Variants in XYLB observed in about 807,000 individuals in gnomAD.
XYLB encodes xylulose kinase.
A neutral mutation model predicts 78.7 loss-of-function variants in XYLB; 62 were observed. The observed-to-expected ratio is 0.79, with a 90% CI of 0.64 to 0.97. XYLB has a LOEUF of 0.97. Ranked by LOEUF, XYLB falls within the 50% of genes least tolerant of loss-of-function variation. XYLB has a pLI of 0.00. For synonymous variants in XYLB, 245 were observed against 247.4 expected (o/e 0.99, Z 0.09); for missense variants, 687 against 676.8 (o/e 1.02, Z -0.17).
At chr3:38,405,767 G>C (rs1229917905) in intron 18 of XYLB, among the ~76,000 whole-genome samples, 1 of 152,266 alleles carries the variant, frequency 6.6e-6, no homozygotes, top group Non-Finnish European at 1.5e-5. Flanking sequence ...TACGCCCACG[G>C]AGTCTTGCTG....
In XYLB at chr3:38,356,079, G is replaced by A. The variant is rs1663442; in HGVS notation, c.141-4260G>A. On this transcript the variant is annotated intron_variant, in intron 2 of 18. Coordinates refer to ENST00000207870, the MANE Select transcript of XYLB (RefSeq NM_005108.4). ...ATCCTGGCTAATGCAGTGAAACCCC[G>A]TCTCTACTAAAAATACAAAAATTTA... The A allele has an allele frequency of 6.0e-4, 152 of 255,048 alleles. 1 individual carries two copies. The highest frequency in any genetic ancestry group is 1.5e-4 in the East Asian group (2 of 12,942). The allele number at this position is 255,048 out of a possible 1,614,324, so 15.8% of individuals were successfully genotyped here. A position where few individuals can be genotyped will look rare whatever the true frequency, so the allele number is the denominator to read the frequency against.
intron 3 of XYLB, among the ~76,000 whole-genome samples, chr3:38,360,989 T>C (rs818844): frequency 0.89 from 136,042 of 152,202 alleles, 61,385 homozygotes; most frequent in East Asian, 1. Flanking sequence ...GAGCTGAGAC[T>C]GCACCATTGC....
intron 15 of XYLB, among the ~76,000 whole-genome samples, chr3:38,380,186 A>G (rs1376437169): frequency 6.6e-6 from 1 of 152,202 alleles, no homozygotes; most frequent in South Asian, 2.1e-4. Flanking sequence ...ATCTTTCAAT[A>G]TGTCATGTTG....
At chr3:38,424,853 T>C (rs980488883), downstream of XYLB, among the ~76,000 whole-genome samples, 1 of 152,164 alleles carries the variant, frequency 6.6e-6, no homozygotes, top group African/African-American at 2.4e-5. Context: ...GTATTAGAGG[T>C]CATACACCTC....
At chr3:38,407,763 A>G (rs1025513215) in intron 18 of XYLB, among the ~76,000 whole-genome samples, 3 of 151,864 alleles carry the variant, frequency 2.0e-5, no homozygotes, top group Admixed American at 1.3e-4. Context: ...ACTTTAAACC[A>G]ACAAAGATCA....
chr3:38,363,874 C>G (rs920443835), intron 4 of XYLB, among the ~76,000 whole-genome samples: 1 of 152,188 alleles, frequency 6.6e-6, no homozygotes, highest in Non-Finnish European at 1.5e-5. Flanking sequence ...TTTCTCCATG[C>G]TGGATTACTG....
At chr3:38,450,275 G>T in the XYLB span, among the ~76,000 whole-genome samples, 1 of 152,102 alleles carries the variant, frequency 6.6e-6, no homozygotes, top group African/African-American at 2.4e-5. Flanking sequence ...AAAAACTGTG[G>T]TTACTTTCAA....
chr3:38,408,252 A>T (rs574850041), intron 18 of XYLB, among the ~76,000 whole-genome samples: 119 of 152,292 alleles, frequency 7.8e-4, no homozygotes, highest in African/African-American at 2.4e-3. Context: ...ACTCAGCTGC[A>T]TGGAAACTGA....
intron 8 of XYLB, among the ~76,000 whole-genome samples, chr3:38,368,625 C>T (rs1479348723): frequency 6.6e-6 from 1 of 152,192 alleles, no homozygotes; most frequent in African/African-American, 2.4e-5. Context: ...CACATGACTA[C>T]AGGCAAGAGG....
intron 2 of XYLB, among the ~76,000 whole-genome samples, chr3:38,358,978 G>A (rs529322832): frequency 3.3e-5 from 5 of 152,266 alleles, no homozygotes; most frequent in East Asian, 3.9e-4. Context: ...AGACAAGCTC[G>A]GTTGTGGAGA....
At chr3:38,356,971 TATAAG>T (rs1007699628) in intron 2 of XYLB, 4 of 152,178 alleles carry the variant, frequency 2.6e-5, no homozygotes, top group African/African-American at 9.7e-5. Context: ...CCTGTTTCCT[TATAAG>T]AAGGAGAGAC....
intron 2 of XYLB, among the ~76,000 whole-genome samples, chr3:38,354,718 G>C (rs1397447085): frequency 6.6e-6 from 1 of 151,888 alleles, no homozygotes; most frequent in Admixed American, 6.6e-5. Context: ...TGGTCAGGCT[G>C]GTCTGGAACT....
chr3:38,380,966 A>T (rs1707115518), intron 15 of XYLB, among the ~76,000 whole-genome samples: 1 of 152,216 alleles, frequency 6.6e-6, no homozygotes, highest in Non-Finnish European at 1.5e-5. Flanking sequence ...TGTACATCAA[A>T]TTCAAAAGCA....
In XYLB at chr3:38,348,618, T is replaced by C. The variant is rs1404856241; in HGVS notation, c.126T>C (p.Asp42=). ...AGGAAAGTGTGCATTTTGACAGAGA[T>C]CTTCCAGAATTTGGGTATGTACTTG... ...FYEESVHFDR[D]LPEFGTQGGV... Residue 42 remains aspartate, a synonymous_variant, in exon 2 of 19, where the codon GAT becomes GAC. Transcript: ENST00000207870. The C allele has an allele frequency of 6.2e-7, 1 of 1,614,070 alleles. No individual in the cohort carries two copies. The highest frequency in any genetic ancestry group is 2.2e-5 in the East Asian group (1 of 44,898).
intron 18 of XYLB, among the ~76,000 whole-genome samples, chr3:38,411,298 C>G (rs1291736144): frequency 6.6e-6 from 1 of 151,964 alleles, no homozygotes; most frequent in Admixed American, 6.6e-5. Flanking sequence ...CCAAACACCA[C>G]ATGTTCTCAC....
chr3:38,349,461 C>T (rs1013651469), intron 2 of XYLB, among the ~76,000 whole-genome samples: 1 of 152,048 alleles, frequency 6.6e-6, no homozygotes, highest in Admixed American at 6.5e-5. Flanking sequence ...CTGGAATGGA[C>T]GTGGGGAACT....
chr3:38,399,548 C>G (rs1376635842), intron 17 of XYLB, among the ~76,000 whole-genome samples: 1 of 152,154 alleles, frequency 6.6e-6, no homozygotes, highest in African/African-American at 2.4e-5. Flanking sequence ...GTAAAAGACT[C>G]TATGTTCAAA....
intron 15 of XYLB, among the ~76,000 whole-genome samples, chr3:38,381,282 A>T (rs957628423): frequency 6.6e-6 from 1 of 152,198 alleles, no homozygotes. Context: ...TCACTTCCCC[A>T]ATCAATACCC....
the XYLB span, chr3:38,451,225 CTGGTTTCAGTTCTTTTGATACTTTTTA>C: frequency 2.0e-5 from 3 of 152,288 alleles, no homozygotes; most frequent in East Asian, 5.8e-4. Flanking sequence ...GTGCAGTGAT[CTGGTTTCAGTTCTTTTGATACTTTTTA>C]TGGCTTCAGT....
Sources: gnomAD v4.1 joint callset for allele counts (sites outside exome capture counted in the v4.1 genomes callset) on GRCh38, gnomAD v4.1.1 for gene constraint, MANE v1.5 for transcripts, NCBI Gene and HGNC (gene_info 2026-07-23, HGNC 2026-07-21) for gene names.